Variants in ACACB observed in about 807,000 individuals in gnomAD.
ACACB encodes acetyl-CoA carboxylase beta.
ACACB carries 209 observed loss-of-function variants against 278.8 expected under a neutral mutation model. That is an observed-to-expected ratio of 0.75 (90% CI 0.67 to 0.84). The LOEUF is 0.84. ACACB is among the 40% of genes least tolerant of loss of function. The pLI, the probability that ACACB is intolerant of heterozygous loss-of-function variation, is 0.00. For synonymous variants in ACACB, 1,174 were observed against 1,285.6 expected (o/e 0.91, Z 1.86); for missense variants, 2,850 against 3,269.0 (o/e 0.87, Z 3.13).
At chr12:109,168,861 G>A (rs1455066281) in intron 4 of ACACB, among the ~76,000 whole-genome samples, 2 of 149,714 alleles carry the variant, frequency 1.3e-5, no homozygotes, top group African/African-American at 4.9e-5. Flanking sequence ...ACTCAGGTCC[G>A]AGCACAGTGG....
At chr12:109,145,836 TAAAA>T (rs758373369) in intron 2 of ACACB, among the ~76,000 whole-genome samples, 2 of 135,028 alleles carry the variant, frequency 1.5e-5, no homozygotes, top group Admixed American at 7.5e-5. Context: ...CCATCTCTAC[TAAAA>T]AAAAAAAAAA....
chr12:109,121,912 A>G (rs2042557936), intron 1 of ACACB, among the ~76,000 whole-genome samples: 1 of 152,206 alleles, frequency 6.6e-6, no homozygotes, highest in Non-Finnish European at 1.5e-5. Context: ...TCAGGTCAGC[A>G]CGTGATGAAT....
chr12:109,245,624 A>G lies in ACACB; in HGVS notation c.5179-2A>G. ...TTTTTCTCTTTCCTCTTCTCTCCCCAGGCTCTCTTTAAACTGTGGGGCTCC... is the reference window on the plus strand; with the variant it reads ...TTTTTCTCTTTCCTCTTCTCTCCCCGGGCTCTCTTTAAACTGTGGGGCTCC... On this transcript the variant is annotated splice_acceptor_variant, in intron 37 of 52. Transcript: ENST00000338432. LOFTEE classifies it high-confidence loss of function. 6.2e-7 allele frequency: 1 copy of G among 1,613,242 alleles called. No individual in the cohort carries two copies. Among genetic ancestry groups the G allele is most frequent in the South Asian group, 1.1e-5 (1 of 90,866 alleles).
intron 20 of ACACB, among the ~76,000 whole-genome samples, chr12:109,208,030 CGA>C (rs1371969042): frequency 2.6e-5 from 4 of 152,002 alleles, no homozygotes; most frequent in African/African-American, 9.7e-5. Context: ...TCCCAGCAAC[CGA>C]TAAGGTAGGA....
rs1565955523 is a variant in ACACB, at chr12:109,235,606, A to G, written c.4405A>G (p.Lys1469Glu). Residue 1469 changes from lysine (K) to glutamate (E), a missense_variant and splice_region_variant, in exon 33 of 53, where the codon AAA (lysine) becomes GAA (glutamate). Around this residue, in one of 3 missense-constraint regions of ACACB, gnomAD observed 2,265 missense variants for 2,561.3 expected, o/e 0.88. Transcript: ENST00000338432. Reference protein sequence around the residue: ...RRITFLIAQEKEFPKFFTFRA... With the variant: ...RRITFLIAQEEEFPKFFTFRA... ...CTTGTGTGTGGATTTCTTTTTGCAG[A>G]AAGAATTTCCCAAGTTTTTCACATT... The G allele has an allele frequency of 6.2e-7, 1 of 1,612,890 alleles. No individual in the cohort carries two copies. Among genetic ancestry groups the G allele is most frequent in the Non-Finnish European group, 8.5e-7 (1 of 1,179,012 alleles).
intron 21 of ACACB, among the ~76,000 whole-genome samples, chr12:109,210,244 T>C (rs200312619): frequency 0.012 from 375 of 31,804 alleles, 44 homozygotes; most frequent in African/African-American, 0.053. Flanking sequence ...TATATATGTA[T>C]ATATACACAC....
chr12:109,250,242 C>G (rs1388329914), intron 41 of ACACB, 138 bp downstream of exon 41: 3 of 908,454 alleles, frequency 3.3e-6, no homozygotes, highest in Non-Finnish European at 3.1e-6. Flanking sequence ...TGCCAGCCCA[C>G]TGATATTTCC....
intron 41 of ACACB, among the ~76,000 whole-genome samples, chr12:109,251,343 A>C (rs918332433): frequency 2.6e-5 from 4 of 152,140 alleles, no homozygotes; most frequent in Non-Finnish European, 4.4e-5. Flanking sequence ...CTGCTTAACT[A>C]CCTACTCTAA....
At chr12:109,208,041 GAACTCTTATTTCCACTTACAGTTGAGGC>G (rs1365243996) in intron 20 of ACACB, among the ~76,000 whole-genome samples, 1 of 152,078 alleles carries the variant, frequency 6.6e-6, no homozygotes, top group East Asian at 1.9e-4. Flanking sequence ...GATAAGGTAG[GAACTCTTATTTCCACTTACAGTTGAGGC>G]AACTGAGGGA....
At chr12:109,141,155 C>T (rs1000459636) in intron 2 of ACACB, among the ~76,000 whole-genome samples, 1 of 152,042 alleles carries the variant, frequency 6.6e-6, no homozygotes, top group Non-Finnish European at 1.5e-5. Flanking sequence ...CTCGGTCTCC[C>T]AAAGTGCTGG....
intron 9 of ACACB, 109 bp from the exon 10 acceptor site, chr12:109,178,979 T>C (rs1378205164): frequency 1.0e-6 from 1 of 991,234 alleles, no homozygotes; most frequent in Non-Finnish European, 1.5e-6. Context: ...CCTGGATGAG[T>C]ACCCTAAACA....
intron 29 of ACACB, 109 bp downstream of exon 29, chr12:109,232,915 C>A (rs115823914): frequency 7.7e-7 from 1 of 1,303,972 alleles, no homozygotes; most frequent in Non-Finnish European, 1.1e-6. Flanking sequence ...GACCCAGACA[C>A]GTGGCACAGC....
chr12:109,176,248 G>C lies in ACACB; in HGVS notation c.1422G>C (p.Pro474=), dbSNP rs753684257. ...IRKAESAEDF[P]ILFRQVQSEI... Reference sequence around the variant, plus strand: ...AGGCTGAGAGTGCGGAGGACTTCCCGATCCTTTTCAGACAAGTGAGCAGTT... The same window carrying C: ...AGGCTGAGAGTGCGGAGGACTTCCCCATCCTTTTCAGACAAGTGAGCAGTT... The change falls in exon 9 of 53, where the codon CCG becomes CCC. Residue 474 remains proline, a synonymous_variant. Coordinates refer to ENST00000338432, the MANE Select transcript of ACACB (RefSeq NM_001093.4). 2 of 1,614,122 alleles carry C rather than the reference G, an allele frequency of 1.2e-6. No homozygotes were observed. Among genetic ancestry groups the C allele is most frequent in the Non-Finnish European group, 1.7e-6 (2 of 1,179,962 alleles).
intron 16 of ACACB, among the ~76,000 whole-genome samples, chr12:109,196,065 GT>G (rs1202624740): frequency 6.6e-6 from 1 of 152,156 alleles, no homozygotes; most frequent in African/African-American, 2.4e-5. Flanking sequence ...GCTGCCTTGT[GT>G]CATAAACTGT....
intron 6 of ACACB, 126 bp downstream of exon 6, chr12:109,172,482 T>C (rs2044151598): frequency 1.1e-5 from 9 of 832,382 alleles, no homozygotes; most frequent in Admixed American, 2.3e-5. Context: ...CTCACACTTC[T>C]GTCGTGAGGA....
chr12:109,134,354 G>A (rs2042917913), intron 1 of ACACB, among the ~76,000 whole-genome samples: 1 of 152,184 alleles, frequency 6.6e-6, no homozygotes, highest in Admixed American at 6.5e-5. Context: ...CCAGCAGAGG[G>A]CATGAGAGGG....
chr12:109,260,086 A>G, intron 47 of ACACB: 7 of 1,362,816 alleles, frequency 5.1e-6, no homozygotes, highest in Non-Finnish European at 6.8e-6. Flanking sequence ...ACCTGGAGAG[A>G]TGTGTCTTGG....
At chr12:109,265,318 G>A (rs1416548645) in intron 51 of ACACB, 38 bp downstream of exon 51, 1 of 1,611,074 alleles carries the variant, frequency 6.2e-7, no homozygotes, top group Non-Finnish European at 8.5e-7. Context: ...TGAGCACAGG[G>A]GGTGCTGGGG....
At chr12:109,183,831 G>A (rs2044560328) in intron 11 of ACACB, among the ~76,000 whole-genome samples, 1 of 150,664 alleles carries the variant, frequency 6.6e-6, no homozygotes, top group South Asian at 2.1e-4. Flanking sequence ...CCCATAATGG[G>A]GTCTCATTAC....
Sources: allele counts gnomAD v4.1 joint callset (sites outside exome capture counted in the v4.1 genomes callset), GRCh38; gene constraint gnomAD v4.1.1; regional missense constraint gnomAD v4.1.1; transcripts MANE v1.5; gene names NCBI Gene and HGNC (gene_info 2026-07-23, HGNC 2026-07-21).